Variants in FSTL5 observed in about 807,000 individuals in gnomAD.
FSTL5 encodes the protein follistatin like 5.
A neutral mutation model predicts 89.1 loss-of-function variants in FSTL5; 62 were observed. The observed-to-expected ratio is 0.70, with a 90% CI of 0.57 to 0.86. The LOEUF (loss-of-function observed/expected upper bound fraction) is 0.86. Ranked by LOEUF, FSTL5 falls within the 40% of genes least tolerant of loss-of-function variation. The pLI is 0.00. For missense variants in FSTL5, 1,057 were observed against 1,001.6 expected, an observed-to-expected ratio of 1.06 and a Z score of -0.75; for synonymous variants, 383 against 346.2, an observed-to-expected ratio of 1.11 and a Z score of -1.18.
intron 6 of FSTL5, among the ~76,000 whole-genome samples, chr4:161,675,812 T>C (rs756727281): frequency 3.9e-5 from 6 of 152,072 alleles, no homozygotes; most frequent in Non-Finnish European, 8.8e-5. Flanking sequence ...TTTCTAAAAA[T>C]TGTTAATGTA....
At chr4:161,724,858 C>T (rs1161207398) in intron 6 of FSTL5, among the ~76,000 whole-genome samples, 1 of 152,152 alleles carries the variant, frequency 6.6e-6, no homozygotes, top group Non-Finnish European at 1.5e-5. Flanking sequence ...CCATATACTT[C>T]ATATGCTCAT....
At chr4:161,830,277 G>T (rs1730802229) in intron 4 of FSTL5, among the ~76,000 whole-genome samples, 1 of 151,970 alleles carries the variant, frequency 6.6e-6, no homozygotes, top group South Asian at 2.1e-4. Context: ...CAATGAACAG[G>T]CTGCCAACTA....
In FSTL5 at chr4:162,058,423, CTTTTTT is replaced by C. The variant is rs764578152; in HGVS notation, c.127-24771_127-24766del. Among the ~76,000 whole-genome samples, 187 of 112,086 alleles carry C rather than the reference CTTTTTT, an allele frequency of 1.7e-3. 1 individual carries two copies. Among genetic ancestry groups the C allele is most frequent in the African/African-American group, 6.1e-3 (175 of 28,678 alleles). The allele number at this position is 112,086 out of a possible 152,430, so 73.5% of individuals were successfully genotyped here. A position where few individuals can be genotyped will look rare whatever the true frequency, so the allele number is the denominator to read the frequency against. On this transcript the variant is annotated intron_variant, in intron 2 of 15. Transcript: ENST00000306100. ...TTACACTTTCAACTAATAAATTCCT[CTTTTTT>C]TTTTTTTTTTTTTTTGAGACAGGGT...
intron 4 of FSTL5, among the ~76,000 whole-genome samples, chr4:161,787,016 C>T (rs772557870): frequency 1.8e-4 from 28 of 151,950 alleles, no homozygotes; most frequent in Non-Finnish European, 2.9e-4. Context: ...TTATTATGAC[C>T]TTGACCAAAG....
chr4:162,019,608 A>T (rs1203768549), intron 3 of FSTL5, among the ~76,000 whole-genome samples: 6 of 151,924 alleles, frequency 3.9e-5, no homozygotes, highest in Non-Finnish European at 7.4e-5. Flanking sequence ...ACCTAAACAC[A>T]TCTTACTCCT....
intron 7 of FSTL5, among the ~76,000 whole-genome samples, chr4:161,590,269 G>A (rs1443345204): frequency 6.6e-6 from 1 of 152,128 alleles, no homozygotes; most frequent in African/African-American, 2.4e-5. Context: ...GCTGGGCATG[G>A]TAGCTCACAC....
intron 3 of FSTL5, among the ~76,000 whole-genome samples, chr4:162,030,550 A>T (rs1218593424): frequency 6.6e-6 from 1 of 151,980 alleles, no homozygotes; most frequent in Non-Finnish European, 1.5e-5. Flanking sequence ...AGGAGGAGAA[A>T]ATTTTGCAAT....
chr4:161,847,928 C>T (rs192751732), intron 4 of FSTL5, among the ~76,000 whole-genome samples: 7 of 143,132 alleles, frequency 4.9e-5, no homozygotes, highest in Admixed American at 2.3e-4. Flanking sequence ...CACAGCTACT[C>T]GGGAGACTGA....
chr4:162,042,135 A>G (rs1737987205), intron 2 of FSTL5: 1 of 151,940 alleles, frequency 6.6e-6, no homozygotes, highest in African/African-American at 2.4e-5. Context: ...GGGCAATAAG[A>G]GCAAAACTTC....
At chr4:161,699,189 C>T (rs1738288115) in intron 6 of FSTL5, among the ~76,000 whole-genome samples, 1 of 151,756 alleles carries the variant, frequency 6.6e-6, no homozygotes, top group Non-Finnish European at 1.5e-5. Flanking sequence ...TTCTTTTTGC[C>T]TCTAAAATTT....
At chr4:161,932,149 A>C (rs191179341) in intron 3 of FSTL5, among the ~76,000 whole-genome samples, 1 of 152,132 alleles carries the variant, frequency 6.6e-6, no homozygotes, top group African/African-American at 2.4e-5. Flanking sequence ...TGGGTAAACA[A>C]AGCATAGTTT....
At chr4:161,881,226 T>A (rs1362024225) in intron 4 of FSTL5, among the ~76,000 whole-genome samples, 2 of 149,586 alleles carry the variant, frequency 1.3e-5, no homozygotes, top group Non-Finnish European at 3.0e-5. Context: ...AATATTTTAA[T>A]AAATCTAGTT....
chr4:162,006,339 T>C (rs962690248), intron 3 of FSTL5, among the ~76,000 whole-genome samples: 18 of 152,056 alleles, frequency 1.2e-4, no homozygotes, highest in East Asian at 3.9e-4. Flanking sequence ...CAAGAGAAAA[T>C]GAGTAAAACT....
intron 12 of FSTL5, among the ~76,000 whole-genome samples, chr4:161,482,176 C>T (rs867646345): frequency 2.0e-5 from 3 of 151,938 alleles, no homozygotes; most frequent in East Asian, 1.9e-4. Flanking sequence ...ATTAGCTGGG[C>T]GTGGTGGTGG....
chr4:161,602,182 A>AG, intron 7 of FSTL5, among the ~76,000 whole-genome samples: 1 of 151,976 alleles, frequency 6.6e-6, no homozygotes, highest in Non-Finnish European at 1.5e-5. Context: ...AGAAAAAAAA[A>AG]GAAAACAAAA....
chr4:161,976,320 T>C (rs965907476), intron 3 of FSTL5, among the ~76,000 whole-genome samples: 8 of 152,108 alleles, frequency 5.3e-5, no homozygotes, highest in African/African-American at 1.7e-4. Context: ...GATCCTTGTA[T>C]TGAGAGTGAT....
At chr4:161,560,072 C>A (rs1283819938) in intron 8 of FSTL5, among the ~76,000 whole-genome samples, 1 of 151,604 alleles carries the variant, frequency 6.6e-6, no homozygotes, top group Non-Finnish European at 1.5e-5. Flanking sequence ...TTTAGCTCAT[C>A]AGCCATCATT....
chr4:161,906,255 C>A (rs1056162942), intron 4 of FSTL5, among the ~76,000 whole-genome samples: 1 of 151,860 alleles, frequency 6.6e-6, no homozygotes, highest in Non-Finnish European at 1.5e-5. Context: ...TAGTTATCGG[C>A]GGTTAAAGTA....
intron 8 of FSTL5, among the ~76,000 whole-genome samples, chr4:161,584,434 C>A (rs568054347): frequency 1.3e-5 from 2 of 152,166 alleles, no homozygotes; most frequent in African/African-American, 2.4e-5. Flanking sequence ...TATAATTATC[C>A]TTTTGGTCTT....
Sources: allele counts gnomAD v4.1 joint callset (sites outside exome capture counted in the v4.1 genomes callset), GRCh38; gene constraint gnomAD v4.1.1; transcripts MANE v1.5; gene names NCBI Gene and HGNC (gene_info 2026-07-23, HGNC 2026-07-21).